GUSB: variants seen among roughly 807,000 people sequenced by gnomAD.
GUSB encodes beta-glucuronidase.
GUSB carries 51 observed loss-of-function variants against 74.6 expected under a neutral mutation model. The ratio of observed to expected loss-of-function variants is 0.68; its 90% CI spans 0.55 to 0.86. GUSB has a LOEUF of 0.86. GUSB is among the 40% of genes least tolerant of loss of function. GUSB has a pLI of 0.00. For missense variants in GUSB, 736 were observed against 853.7 expected, an observed-to-expected ratio of 0.86 and a Z score of 1.72; for synonymous variants, 360 against 348.3, an observed-to-expected ratio of 1.03 and a Z score of -0.37.
At chr7:65,973,894 G>A (rs908956006) in intron 8 of GUSB, among the ~76,000 whole-genome samples, 1 of 151,744 alleles carries the variant, frequency 6.6e-6, no homozygotes, top group Non-Finnish European at 1.5e-5. Context: ...CTGCACCGCT[G>A]CACTCCAACC....
rs570488155 is a variant in GUSB at position 65,975,114 on chromosome 7, G to A, written c.913-43C>T. The A allele has an allele frequency of 7.5e-6, 12 of 1,601,366 alleles. No individual in the cohort carries two copies. In the Admixed American group the frequency reaches 1.5e-4, roughly 20 times the overall value. On this transcript the variant is annotated intron_variant, in intron 5 of 11. Transcript: ENST00000304895. Reference sequence around the variant, plus strand: ...CCAGGTGTGAGCACCCCGACAGCCTGAGCCCCATCCGGCCTGCCCTCCAGC... The same window carrying A: ...CCAGGTGTGAGCACCCCGACAGCCTAAGCCCCATCCGGCCTGCCCTCCAGC...
At chr7:65,970,650 T>C (rs1240845054) in intron 8 of GUSB, among the ~76,000 whole-genome samples, 1 of 151,878 alleles carries the variant, frequency 6.6e-6, no homozygotes, top group African/African-American at 2.4e-5. Context: ...TCCCAGCACT[T>C]TGGGAGGCCG....
In GUSB at chr7:65,979,930, C is replaced by A. The variant is rs759668020; in HGVS notation, c.397-19G>T. On this transcript the variant is annotated intron_variant, in intron 2 of 11. Coordinates refer to ENST00000304895, the MANE Select transcript of GUSB (RefSeq NM_000181.4). Reference sequence around the variant, plus strand: ...TCACCCACTGCAGACACAGGAGATACGGGGAGGGGGCTGCAGGTCAGGGCA... The same window carrying A: ...TCACCCACTGCAGACACAGGAGATAAGGGGAGGGGGCTGCAGGTCAGGGCA... 3.2e-6 allele frequency: 5 copies of A among 1,566,042 alleles called. 1 individual carries two copies. In the South Asian group the frequency reaches 4.6e-5, roughly 14 times the overall value.
chr7:65,972,833 G>C (rs12535204), intron 8 of GUSB, among the ~76,000 whole-genome samples: 7 of 151,976 alleles, frequency 4.6e-5, no homozygotes, highest in Non-Finnish European at 1.0e-4. Flanking sequence ...ACACCCCTGT[G>C]CCCCCAAGCT....
At chr7:65,981,826 A>T (rs1015508766) in intron 1 of GUSB, 148 bp downstream of exon 1, 2 of 679,624 alleles carry the variant, frequency 2.9e-6, no homozygotes, top group East Asian at 5.8e-5. Flanking sequence ...CCGTCCCCCA[A>T]GCCGGCGCCC....
chr7:65,963,344 G>A lies in GUSB; in HGVS notation c.1789+979C>T, dbSNP rs548732391. The stretch of plus-strand genomic sequence containing the variant: ...ATCCGTATTCCATTCTCACTCTTAC[G>A]CTTTACCTTTCAAAGGCCTGTCTTT... On this transcript the variant is annotated intron_variant, in intron 11 of 11. Coordinates refer to ENST00000304895, the MANE Select transcript of GUSB (RefSeq NM_000181.4). Among the ~76,000 whole-genome samples, 10 of 151,724 alleles carry A rather than the reference G, an allele frequency of 6.6e-5. No individual in the cohort carries two copies. In the South Asian group the frequency reaches 1.7e-3, roughly 25 times the overall value.
chr7:65,974,726 T>C (rs781513412), intron 6 of GUSB, 22 bp from the exon 7 acceptor site: 1 of 1,611,732 alleles, frequency 6.2e-7, no homozygotes, highest in South Asian at 1.1e-5. Flanking sequence ...CAGAGCCAAG[T>C]GACCCCTGTC....
chr7:65,967,701 C>A, intron 10 of GUSB, 30 bp downstream of exon 10: 2 of 1,591,618 alleles, frequency 1.3e-6, no homozygotes, highest in Non-Finnish European at 1.7e-6. Context: ...CCTGAGAGAA[C>A]ACACAAGCAG....
intron 4 of GUSB, among the ~76,000 whole-genome samples, chr7:65,976,417 T>A (rs1351046579): frequency 6.6e-6 from 1 of 151,872 alleles, no homozygotes; most frequent in Non-Finnish European, 1.5e-5. Flanking sequence ...CCTCCACCTC[T>A]GGGGTTCAGG....
Position 65,979,756 on chromosome 7 carries a change from C to A in GUSB, c.552G>T (p.Gly184=), listed in dbSNP as rs768029322. The part of the protein sequence containing the change: ...NTLTPTTLPP[G]TIQYLTDTSK... ...AGGTGTCAGTCAGGTATTGGATGGT[C>A]CCTGGTGGCAGGGTGGTGGGGGTGA... Residue 184 remains glycine, a synonymous_variant, in exon 3 of 12, where the codon GGG becomes GGT. Coordinates refer to ENST00000304895, the MANE Select transcript of GUSB (RefSeq NM_000181.4). The A allele has an allele frequency of 6.2e-7, 1 of 1,613,806 alleles. No individual in the cohort carries two copies. Among genetic ancestry groups the A allele is most frequent in the East Asian group, 2.2e-5 (1 of 44,870 alleles).
Position 65,982,173 on chromosome 7 carries a change from C to CG in GUSB, c.10_11insC (p.Gly4AlafsTer50). The CG allele has an allele frequency of 6.6e-7, 1 of 1,514,600 alleles. No individual in the cohort carries two copies. Among genetic ancestry groups the CG allele is most frequent in the East Asian group, 2.6e-5 (1 of 38,486 alleles). 93.8% of individuals were successfully genotyped at this position (1,514,600 alleles called of 1,614,324 possible). On this transcript the variant is annotated frameshift_variant, in exon 1 of 12. Coordinates refer to ENST00000304895, the MANE Select transcript of GUSB (RefSeq NM_000181.4). LOFTEE classifies it high-confidence loss of function. ...GAGCGCCGCCCAGGCAACCGCCGAC[C>CG]CCCGGGCCATGCTTCCCGGTCCCCC... is the stretch of plus-strand genomic sequence containing the variant.
intron 10 of GUSB, among the ~76,000 whole-genome samples, chr7:65,966,507 G>A (rs764109100): frequency 1.5e-4 from 22 of 151,304 alleles, no homozygotes; most frequent in African/African-American, 1.2e-4. Flanking sequence ...AAAAAATGAC[G>A]ACAGGCTGGG....
chr7:65,975,322 G>A (rs1791495207), intron 5 of GUSB: 1 of 518,574 alleles, frequency 1.9e-6, no homozygotes, highest in East Asian at 3.6e-5. Context: ...TAAGGCAGGA[G>A]GATCACTTGA....
intron 6 of GUSB, 43 bp downstream of exon 6, chr7:65,974,876 G>T: frequency 1.2e-6 from 2 of 1,605,212 alleles, no homozygotes; most frequent in South Asian, 2.2e-5. Flanking sequence ...AGTGGAGGGT[G>T]ACCAGAAGCA....
rs886042522 is a variant in GUSB at position 65,970,279 on chromosome 7, C to T, written c.1476+3G>A. ...GAAGTGGGGTGGGGACCCCCAGGCT[C>T]ACCCCCTTGTCTGCTGCATAGTTAG... On this transcript the variant is annotated splice_donor_region_variant and intron_variant, in intron 9 of 11. Transcript: ENST00000304895. 1.9e-6 allele frequency: 3 copies of T among 1,602,998 alleles called. No homozygotes were observed. In the Middle Eastern group the frequency reaches 5.0e-4, roughly 265 times the overall value.
At chr7:65,961,110 T>C in intron 11 of GUSB, 47 bp from the exon 12 acceptor site, 1 of 1,566,016 alleles carries the variant, frequency 6.4e-7, no homozygotes, top group Non-Finnish European at 8.8e-7. Context: ...TGTCTTCTGA[T>C]GGGTCAAGTT....
intron 10 of GUSB, 80 bp downstream of exon 10, chr7:65,967,651 G>A: frequency 8.5e-7 from 1 of 1,177,894 alleles, no homozygotes; most frequent in African/African-American, 1.5e-5. Context: ...GCAGTGCAGT[G>A]GGCGCAGGTC....
chr7:65,973,272 G>A (rs577986204), intron 8 of GUSB, among the ~76,000 whole-genome samples: 33 of 152,140 alleles, frequency 2.2e-4, no homozygotes, highest in African/African-American at 7.7e-4. Context: ...GCCCAACATA[G>A]TGAAACCCCG....
At chr7:65,968,057 G>C in intron 9 of GUSB, 150 bp from the exon 10 acceptor site, 1 of 710,938 alleles carries the variant, frequency 1.4e-6, no homozygotes, top group Non-Finnish European at 2.5e-6. Context: ...CTTAAGACCA[G>C]CCTGGGCAAC....
Sources: allele counts gnomAD v4.1 joint callset (sites outside exome capture counted in the v4.1 genomes callset), GRCh38; gene constraint gnomAD v4.1.1; transcripts MANE v1.5; gene names NCBI Gene and HGNC (gene_info 2026-07-23, HGNC 2026-07-21).